The following VSIR variants were observed in gnomAD, a reference collection of about 807,000 sequenced individuals.
VSIR encodes the protein V-set immunoregulatory receptor.
A neutral mutation model predicts 31.0 loss-of-function variants in VSIR; 10 were observed. The observed-to-expected ratio is 0.32, with a 90% CI of 0.20 to 0.55. VSIR has a LOEUF of 0.55. Ranked by LOEUF, VSIR falls within the 20% of genes least tolerant of loss-of-function variation. VSIR has a pLI of 0.93. For synonymous variants in VSIR, 179 were observed against 180.1 expected, an observed-to-expected ratio of 0.99 and a Z score of 0.05; for missense variants, 356 against 416.2, an observed-to-expected ratio of 0.86 and a Z score of 1.26.
chr10:71,751,661 CACTT>C lies in VSIR; in HGVS notation c.898+3_898+6del. ...TCATCGTGCTGTGAAGGTCAGGAAACACTTACCCAGGGATGGGAAGAAGACGTCT... is the reference window on the plus strand; with the variant it reads ...TCATCGTGCTGTGAAGGTCAGGAAACACCCAGGGATGGGAAGAAGACGTCT... On this transcript the variant is annotated splice_donor_5th_base_variant and intron_variant, in intron 6 of 6. Transcript: ENST00000394957. The surrounding 1 kb of genome is among the most constrained non-coding windows in gnomAD (Gnocchi z 4.9). 2 of 1,523,168 alleles carry C rather than the reference CACTT, an allele frequency of 1.3e-6. No individual in the cohort carries two copies. The highest frequency in any genetic ancestry group is 1.8e-6 in the Non-Finnish European group (2 of 1,136,430). 94.4% of individuals were successfully genotyped at this position (1,523,168 alleles called of 1,614,324 possible).
At chr10:71,758,108 T>A (rs1288149266) in intron 3 of VSIR, among the ~76,000 whole-genome samples, 1 of 151,950 alleles carries the variant, frequency 6.6e-6, no homozygotes, top group African/African-American at 2.4e-5. Context: ...CCAAGGCGGG[T>A]AGATCACTTG....
intron 1 of VSIR, 72 bp downstream of exon 1, chr10:71,773,286 T>A (rs1338342121): frequency 6.6e-7 from 1 of 1,505,264 alleles, no homozygotes; most frequent in Non-Finnish European, 9.0e-7. Context: ...GACGCCCCCA[T>A]CCCACAGTTC....
At chr10:71,760,207 GTGTGTATATA>G (rs1326804363) in intron 3 of VSIR, among the ~76,000 whole-genome samples, 261 of 16,086 alleles carry the variant, frequency 0.016, 1 homozygote, top group Non-Finnish European at 0.025. Flanking sequence ...ACATATATAT[GTGTGTATATA>G]TGTGTATATA....
rs1236300177 is a variant in VSIR at position 71,751,401 on chromosome 10, C to T, written c.899-111G>A. The T allele has an allele frequency of 1.8e-6, 1 of 564,926 alleles. No individual in the cohort carries two copies. The highest frequency in any genetic ancestry group is 2.1e-5 in the African/African-American group (1 of 47,518). 35.0% of individuals were successfully genotyped at this position (564,926 alleles called of 1,614,324 possible). On this transcript the variant is annotated intron_variant, in intron 6 of 6. Transcript: ENST00000394957. The surrounding 1 kb of genome is among the most constrained non-coding windows in gnomAD (Gnocchi z 4.9). ...GGAGGTGAATGGGGGCCCCTCTGTC[C>T]CTCACCCTCAACCCCACCCCGTGAG... is the stretch of plus-strand genomic sequence containing the variant.
In VSIR at chr10:71,761,739, C is replaced by T. The variant is rs760303333; in HGVS notation, c.370G>A (p.Asp124Asn). 13 of 1,614,066 alleles carry T rather than the reference C, an allele frequency of 8.1e-6. 1 individual carries two copies. The highest frequency in any genetic ancestry group is 3.3e-4 in the Middle Eastern group (2 of 6,062). Residue 124 changes from aspartate to asparagine, a missense_variant, in exon 2 of 7, where the codon GAC becomes AAC. By Grantham distance (23) the Asp-to-Asn change is conservative. Coordinates refer to ENST00000394957, the MANE Select transcript of VSIR (RefSeq NM_022153.2). Reference sequence around the variant, plus strand: ...GTGATGGAGAAGTTGCCATGGTGGTCGGAGGCCGACTCCAGCCCGTGGCGC... The same window carrying T: ...GTGATGGAGAAGTTGCCATGGTGGTTGGAGGCCGACTCCAGCCCGTGGCGC... ...AQRHGLESASDHHGNFSITMR... is the reference protein window; with the variant it reads ...AQRHGLESASNHHGNFSITMR...
At position 71,751,566 on chromosome 10, in the gene VSIR, G is replaced by A. The variant is rs570445847; in HGVS notation, c.898+102C>T. ...ACCCTCAACCCCACCCCGTGAGGCC[G>A]TGGAACTCTTCAGGGAGGGCAGGGA... On this transcript the variant is annotated intron_variant, in intron 6 of 6. Transcript: ENST00000394957. The surrounding 1 kb of genome is among the most constrained non-coding windows in gnomAD (Gnocchi z 4.9). The A allele has an allele frequency of 1.9e-5, 26 of 1,338,642 alleles. No homozygotes were observed. The highest frequency in any genetic ancestry group is 4.9e-5 in the East Asian group (2 of 40,482). 82.9% of individuals were successfully genotyped at this position (1,338,642 alleles called of 1,614,324 possible).
chr10:71,765,016 T>C (rs1840498369), intron 1 of VSIR, among the ~76,000 whole-genome samples: 1 of 152,098 alleles, frequency 6.6e-6, no homozygotes, highest in Non-Finnish European at 1.5e-5. Flanking sequence ...CACACCTGAG[T>C]GGGGTGGGTG....
intron 4 of VSIR, chr10:71,754,988 A>G (rs1212847334): frequency 2.3e-6 from 1 of 431,194 alleles, no homozygotes; most frequent in Non-Finnish European, 4.8e-6. Flanking sequence ...AACAATTGCT[A>G]CTAATTACAA....
At position 71,761,998 on chromosome 10, in the gene VSIR, C is replaced by A; in HGVS notation, c.111G>T (p.Thr37=). 6.2e-7 allele frequency: 1 copy of A among 1,609,256 alleles called. No homozygotes were observed. The highest frequency in any genetic ancestry group is 8.5e-7 in the Non-Finnish European group (1 of 1,177,090). The change falls in exon 2 of 7, where the codon ACG becomes ACT. Residue 37 remains threonine (T), a synonymous_variant. Coordinates refer to ENST00000394957, the MANE Select transcript of VSIR (RefSeq NM_022153.2). ...CGGGACAGACATACAGGGAATACGGCGTGGCGACCTTGAAGGCTGCCACCG... is the reference window on the plus strand; with the variant it reads ...CGGGACAGACATACAGGGAATACGGAGTGGCGACCTTGAAGGCTGCCACCG... The part of the protein sequence containing the change: ...LGPVAAFKVA[T]PYSLYVCPEG...
chr10:71,761,215 C>T (rs1381655468), intron 2 of VSIR, among the ~76,000 whole-genome samples: 1 of 152,198 alleles, frequency 6.6e-6, no homozygotes, highest in East Asian at 1.9e-4. Flanking sequence ...CACACACACG[C>T]ATATATTCTC....
intron 1 of VSIR, among the ~76,000 whole-genome samples, chr10:71,770,635 G>T (rs1374560662): frequency 6.6e-6 from 1 of 152,182 alleles, no homozygotes; most frequent in Non-Finnish European, 1.5e-5. Flanking sequence ...CTCGCTCACT[G>T]CCAACGGGTT....
At chr10:71,759,970 TACAC>T (rs1470815969) in intron 3 of VSIR, among the ~76,000 whole-genome samples, 2 of 79,152 alleles carry the variant, frequency 2.5e-5, no homozygotes, top group Non-Finnish European at 6.0e-5. Flanking sequence ...CACATATATA[TACAC>T]ACACACATAT....
chr10:71,758,768 C>G lies in VSIR; in HGVS notation c.568+2100G>C, dbSNP rs1304613164. 2.6e-5 allele frequency among the ~76,000 whole-genome samples: 4 copies of G among 152,182 alleles called. No homozygotes were observed. In the East Asian group the frequency reaches 7.7e-4, roughly 29 times the overall value. On this transcript the variant is annotated intron_variant, in intron 3 of 6. Transcript: ENST00000394957. Reference sequence around the variant, plus strand: ...TGAGGCTAGGCATGGTGGCTCACACCTGTAATCCCAGCACTTTGGAGGTCA... The same window carrying G: ...TGAGGCTAGGCATGGTGGCTCACACGTGTAATCCCAGCACTTTGGAGGTCA...
At chr10:71,762,201 G>C (rs1019940066) in intron 1 of VSIR, among the ~76,000 whole-genome samples, 175 bp from the exon 2 acceptor site, 2 of 152,244 alleles carry the variant, frequency 1.3e-5, no homozygotes, top group Non-Finnish European at 2.9e-5. Flanking sequence ...TCCATCCTAG[G>C]CTGTTGTAGG....
chr10:71,758,069 C>T (rs574127053), intron 3 of VSIR, among the ~76,000 whole-genome samples: 1 of 152,294 alleles, frequency 6.6e-6, no homozygotes, highest in Admixed American at 6.5e-5. Context: ...CATAGTGGCT[C>T]AATCCTGTAA....
In VSIR at chr10:71,751,526, G is replaced by T. The variant is rs1840002143; in HGVS notation, c.898+142C>A. On this transcript the variant is annotated intron_variant, in intron 6 of 6. Coordinates refer to ENST00000394957, the MANE Select transcript of VSIR (RefSeq NM_022153.2). The surrounding 1 kb of genome is among the most constrained non-coding windows in gnomAD (Gnocchi z 4.9). ...GAACTCTTCAGGGAGGTGAATGGGG[G>T]CCCCTCTGTCCCTCACCCTCAACCC... 6.8e-6 allele frequency: 4 copies of T among 586,772 alleles called. No individual in the cohort carries two copies. In the East Asian group the frequency reaches 9.0e-5, roughly 13 times the overall value. The allele number at this position is 586,772 out of a possible 1,614,324, so 36.3% of individuals were successfully genotyped here.
chr10:71,773,493 G>A lies in VSIR; in HGVS notation c.-54C>T, dbSNP rs1840738219. The A allele has an allele frequency of 6.6e-7, 1 of 1,522,122 alleles. No homozygotes were observed. The highest frequency in any genetic ancestry group is 8.9e-7 in the Non-Finnish European group (1 of 1,121,368). The allele number at this position is 1,522,122 out of a possible 1,614,324, so 94.3% of individuals were successfully genotyped here. A position where few individuals can be genotyped will look rare whatever the true frequency, so the allele number is the denominator to read the frequency against. ...TGGTGCCGGGGAGCGGGCGGGACGC[G>A]GCCGGCGCGGGGAAGCCTCCCGCGA... On this transcript the variant is annotated 5_prime_UTR_variant, in exon 1 of 7. Transcript: ENST00000394957.
rs186335996 is a variant in VSIR, at chr10:71,751,230, C to T, written c.*23G>A. 1.9e-6 allele frequency: 3 copies of T among 1,603,022 alleles called. No homozygotes were observed. The East Asian group carries it at 6.7e-5, about 36-fold the overall frequency. Reference sequence around the variant, plus strand: ...GCACCTGCCCCAGACCCAGCCACAACAGCCCACTGTCCCCCAGCTGGGCTA... The same window carrying T: ...GCACCTGCCCCAGACCCAGCCACAATAGCCCACTGTCCCCCAGCTGGGCTA... On this transcript the variant is annotated 3_prime_UTR_variant, in exon 7 of 7. Transcript: ENST00000394957. The surrounding 1 kb of genome is among the most constrained non-coding windows in gnomAD (Gnocchi z 4.9).
chr10:71,772,456 G>C (rs74561595), intron 1 of VSIR, among the ~76,000 whole-genome samples: 1,828 of 152,340 alleles, frequency 0.012, 39 homozygotes, highest in African/African-American at 0.042. Context: ...CTTCAGCTCT[G>C]GGCAGGCAAG....
Sources: gnomAD v4.1 joint callset for allele counts (sites outside exome capture counted in the v4.1 genomes callset) on GRCh38, gnomAD v4.1.1 for gene constraint, Gnocchi (gnomAD v3.1) non-coding constraint, MANE v1.5 for transcripts, NCBI Gene and HGNC (gene_info 2026-07-23, HGNC 2026-07-21) for gene names.